The following MYO5C variants were observed in gnomAD, a reference collection of about 807,000 sequenced individuals.
MYO5C encodes unconventional myosin-Vc.
MYO5C carries 194 observed loss-of-function variants against 235.7 expected under a neutral mutation model. The ratio of observed to expected loss-of-function variants is 0.82; its 90% CI spans 0.73 to 0.93. The LOEUF is 0.93. Among genes scored for constraint, MYO5C ranks in the 40% least tolerant of loss-of-function variants. The pLI is 0.00. For synonymous variants in MYO5C, 707 were observed against 754.8 expected (o/e 0.94, Z 1.04); for missense variants, 2,038 against 2,127.2 (o/e 0.96, Z 0.82).
At chr15:52,223,208 C>A (rs1269872761) in intron 29 of MYO5C, among the ~76,000 whole-genome samples, 1 of 151,706 alleles carries the variant, frequency 6.6e-6, no homozygotes, top group Non-Finnish European at 1.5e-5. Flanking sequence ...TTCTGACACA[C>A]TCCTGTCTCA....
Position 52,204,804 on chromosome 15 carries a change from G to A in MYO5C, c.4820+61C>T, listed in dbSNP as rs1313232680. 7 of 1,568,846 alleles carry A rather than the reference G, an allele frequency of 4.5e-6. No individual in the cohort carries two copies. In the African/African-American group the frequency reaches 5.4e-5, roughly 12 times the overall value. On this transcript the variant is annotated intron_variant, in intron 38 of 40. Coordinates refer to ENST00000261839, the MANE Select transcript of MYO5C (RefSeq NM_018728.4). ...GGGAGGGTCAGGCGCGTGGGGCCTC[G>A]GACTTCAAGAGCATCCTTTCTGCAG... is the stretch of plus-strand genomic sequence containing the variant.
At chr15:52,274,516 C>T (rs1270228300) in intron 5 of MYO5C, among the ~76,000 whole-genome samples, 1 of 152,086 alleles carries the variant, frequency 6.6e-6, no homozygotes, top group Admixed American at 6.6e-5. Context: ...TGAGCTCAAG[C>T]AATCCACCCA....
At chr15:52,283,245 G>C (rs1190817720) in intron 1 of MYO5C, among the ~76,000 whole-genome samples, 1 of 152,226 alleles carries the variant, frequency 6.6e-6, no homozygotes. Flanking sequence ...GGAACTCTGG[G>C]CCAGACACTT....
Position 52,196,478 on chromosome 15 carries a change from T to C in MYO5C, c.4826A>G (p.Asn1609Ser). 2.5e-6 allele frequency: 4 copies of C among 1,612,820 alleles called. No individual in the cohort carries two copies. The highest frequency in any genetic ancestry group is 3.4e-6 in the Non-Finnish European group (4 of 1,179,480). ...SCRKGMQIRC[N>S]ISYLEEWLKD... ...AAGCCATTCTTCTAAGTAGCTGATA[T>C]TGCACCTGGAGGGAAAGGCAGAAGA... Residue 1609 changes from asparagine to serine, a missense_variant, in exon 39 of 41, where the codon AAT becomes AGT. Coordinates refer to ENST00000261839, the MANE Select transcript of MYO5C (RefSeq NM_018728.4).
chr15:52,261,296 A>AG (rs2036690092), intron 9 of MYO5C, among the ~76,000 whole-genome samples, 169 bp from the exon 10 acceptor site: 1 of 152,250 alleles, frequency 6.6e-6, no homozygotes, highest in African/African-American at 2.4e-5. Flanking sequence ...GAGTAGAGCA[A>AG]GGGGGCTACA....
chr15:52,236,742 C>CTTCT (rs952241915), intron 22 of MYO5C: 3 of 152,164 alleles, frequency 2.0e-5, no homozygotes, highest in Admixed American at 1.3e-4. Context: ...TTAGAACACA[C>CTTCT]TAGCTCACAC....
chr15:52,256,354 A>T (rs941034072), intron 11 of MYO5C, among the ~76,000 whole-genome samples: 2 of 152,166 alleles, frequency 1.3e-5, no homozygotes, highest in Non-Finnish European at 2.9e-5. Flanking sequence ...GCCTCAGGCA[A>T]CCAACTAAAT....
Position 52,205,059 on chromosome 15 carries a change from G to A in MYO5C, c.4626C>T (p.Asp1542=). ...GFRKRSSSID[D]TDGYTMTSVL... Reference sequence around the variant, plus strand: ...CGGAGGTCATGGTGTAGCCGTCCGTGTCGTCTATGCTAGAGGAGCGCTTCC... The same window carrying A: ...CGGAGGTCATGGTGTAGCCGTCCGTATCGTCTATGCTAGAGGAGCGCTTCC... Residue 1542 remains aspartate (D), a synonymous_variant, in exon 38 of 41, where the codon GAC becomes GAT. Coordinates refer to ENST00000261839, the MANE Select transcript of MYO5C (RefSeq NM_018728.4). 1 of 1,614,242 alleles carries A rather than the reference G, an allele frequency of 6.2e-7. No individual in the cohort carries two copies. Among genetic ancestry groups the A allele is most frequent in the Non-Finnish European group, 8.5e-7 (1 of 1,180,034 alleles).
At chr15:52,236,477 C>T (rs895512066) in intron 22 of MYO5C, among the ~76,000 whole-genome samples, 1 of 152,198 alleles carries the variant, frequency 6.6e-6, no homozygotes, top group East Asian at 1.9e-4. Context: ...GAGTTCGAGA[C>T]CAGCTTGGCC....
chr15:52,210,412 ACT>A (rs1432704238), intron 35 of MYO5C, among the ~76,000 whole-genome samples: 2 of 152,212 alleles, frequency 1.3e-5, no homozygotes, highest in Non-Finnish European at 2.9e-5. Context: ...CATGGAAAAC[ACT>A]GTTATTTTAG....
intron 6 of MYO5C, 56 bp downstream of exon 6, chr15:52,272,524 G>A: frequency 6.4e-7 from 1 of 1,551,228 alleles, no homozygotes; most frequent in Non-Finnish European, 8.9e-7. Context: ...TGTATAATAA[G>A]TATGTAAATG....
At chr15:52,216,615 T>G (rs2035559894) in intron 32 of MYO5C, among the ~76,000 whole-genome samples, 1 of 152,236 alleles carries the variant, frequency 6.6e-6, no homozygotes, top group South Asian at 2.1e-4. Flanking sequence ...TTTAATCTCT[T>G]AATAAGAATT....
chr15:52,280,911 G>C (rs986555946), intron 2 of MYO5C, among the ~76,000 whole-genome samples: 1 of 152,186 alleles, frequency 6.6e-6, no homozygotes, highest in Non-Finnish European at 1.5e-5. Flanking sequence ...TTGCTGGCTG[G>C]TTGGTCTGTT....
chr15:52,198,102 G>A (rs1596127623), intron 38 of MYO5C, among the ~76,000 whole-genome samples: 1 of 151,800 alleles, frequency 6.6e-6, no homozygotes, highest in Admixed American at 6.6e-5. Context: ...GGAGACCGAG[G>A]CAGGCTGATC....
At chr15:52,286,287 C>CAGCCAGCCGCCGCGTCT (rs2037269269) in intron 1 of MYO5C, among the ~76,000 whole-genome samples, 1 of 148,798 alleles carries the variant, frequency 6.7e-6, no homozygotes, top group African/African-American at 2.5e-5. Context: ...GCCCCCCGCC[C>CAGCCAGCCGCCGCGTCT]GGCCAGCCGC....
rs370250711 is a variant in MYO5C at position 52,275,032 on chromosome 15, C to T, written c.606+530G>A. Reference sequence around the variant, plus strand: ...CTCCTCACCCCCCTGGGCACCGTCACGGTTGGCCTTGCCCACTCTCTGTCC... The same window carrying T: ...CTCCTCACCCCCCTGGGCACCGTCATGGTTGGCCTTGCCCACTCTCTGTCC... On this transcript the variant is annotated intron_variant, in intron 5 of 40. Transcript: ENST00000261839. Among the ~76,000 whole-genome samples the T allele has an allele frequency of 8.1e-4, 124 of 152,336 alleles. 1 individual carries two copies. The highest frequency in any genetic ancestry group is 3.4e-3 in the Middle Eastern group (1 of 294).
rs201461896 is a variant in MYO5C, at chr15:52,279,609, G to A, written c.204C>T (p.Gly68=). 4.8e-5 allele frequency: 78 copies of A among 1,613,842 alleles called. No individual in the cohort carries two copies. The highest frequency in any genetic ancestry group is 8.3e-5 in the Admixed American group (5 of 60,000). The change falls in exon 3 of 41, where the codon GGC becomes GGT. Residue 68 remains glycine, a synonymous_variant. Coordinates refer to ENST00000261839, the MANE Select transcript of MYO5C (RefSeq NM_018728.4). The stretch of plus-strand genomic sequence containing the variant: ...AGCTGAGAGCCGTGAGGTCATTCTC[G>A]CCCACGAGGATGTCAGGATTCCGAA... ...PPLRNPDILV[G]ENDLTALSYL... is the part of the protein sequence containing the mutation.
At position 52,244,107 on chromosome 15, in the gene MYO5C, C is replaced by A. The variant is rs529821888; in HGVS notation, c.2390+249G>T. On this transcript the variant is annotated intron_variant, in intron 19 of 40. Coordinates refer to ENST00000261839, the MANE Select transcript of MYO5C (RefSeq NM_018728.4). ...CTGACTCTCCTTAGTAACACTCTCACCAGCGCTTCCTCCCTGCAGGGCCCT... is the reference window on the plus strand; with the variant it reads ...CTGACTCTCCTTAGTAACACTCTCAACAGCGCTTCCTCCCTGCAGGGCCCT... Among the ~76,000 whole-genome samples the A allele has an allele frequency of 2.0e-5, 3 of 152,310 alleles. No individual in the cohort carries two copies. The East Asian group carries it at 5.8e-4, about 29-fold the overall frequency.
At chr15:52,214,379 A>C (rs1037266141) in intron 33 of MYO5C, among the ~76,000 whole-genome samples, 1 of 152,210 alleles carries the variant, frequency 6.6e-6, no homozygotes, top group Admixed American at 6.5e-5. Context: ...TAATTATAGG[A>C]TGTCTCTTGC....
Sources: allele counts gnomAD v4.1 joint callset (sites outside exome capture counted in the v4.1 genomes callset), GRCh38; gene constraint gnomAD v4.1.1; transcripts MANE v1.5; gene names NCBI Gene and HGNC (gene_info 2026-07-23, HGNC 2026-07-21).